FBXO41: variants seen among roughly 807,000 people sequenced by gnomAD.
The protein encoded by FBXO41 is F-box only protein 41.
A neutral mutation model predicts 81.6 loss-of-function variants in FBXO41; 33 were observed. The ratio of observed to expected loss-of-function variants is 0.40; its 90% CI spans 0.31 to 0.54. The LOEUF (loss-of-function observed/expected upper bound fraction) is 0.54. FBXO41 is among the 20% of genes least tolerant of loss of function. The pLI, the probability that FBXO41 is intolerant of heterozygous loss-of-function variation, is 0.39. For missense variants in FBXO41, 1,107 were observed against 1,236.0 expected (o/e 0.90, Z 1.56); for synonymous variants, 576 against 552.7 (o/e 1.04, Z -0.59).
chr2:73,267,805 A>G lies in FBXO41; in HGVS notation c.905+921T>C, dbSNP rs1275207273. 3.2e-4 allele frequency among the ~76,000 whole-genome samples: 48 copies of G among 152,236 alleles called. 1 individual carries two copies. Among genetic ancestry groups the G allele is most frequent in the Non-Finnish European group, 2.1e-4 (14 of 68,042 alleles). On this transcript the variant is annotated intron_variant, in intron 2 of 12. Coordinates refer to ENST00000520530, the MANE Select transcript of FBXO41 (RefSeq NM_001371389.2). ...GCCTACAGTTGGACAAAGTCACTCA[A>G]CACAAAGTCTATTTTATAAAAAAAA...
chr2:73,267,457 T>C (rs1688312221), intron 2 of FBXO41, among the ~76,000 whole-genome samples: 1 of 152,236 alleles, frequency 6.6e-6, no homozygotes, highest in Non-Finnish European at 1.5e-5. Flanking sequence ...TAGAATCACA[T>C]GCATACTTAC....
At position 73,268,967 on chromosome 2, in the gene FBXO41, G is replaced by A; in HGVS notation, c.664C>T (p.Leu222=). 6.5e-7 allele frequency: 1 copy of A among 1,538,050 alleles called. No individual in the cohort carries two copies. The highest frequency in any genetic ancestry group is 2.0e-5 in the Admixed American group (1 of 50,964). ...ATCTTCTGCTCCACCTCCTCGCTCA[G>A]CCGCTCCAGCCGCCGGTCCACCTCC... ...KLEVDRRLER[L]SEEVEQKIAG... is the part of the protein sequence containing the mutation. Residue 222 remains leucine (L), a synonymous_variant, in exon 2 of 13, where the codon CTG becomes TTG. Coordinates refer to ENST00000520530, the MANE Select transcript of FBXO41 (RefSeq NM_001371389.2).
At chr2:73,280,699 A>C (rs952311422) in intron 1 of FBXO41, among the ~76,000 whole-genome samples, 12 of 152,230 alleles carry the variant, frequency 7.9e-5, no homozygotes, top group Non-Finnish European at 1.6e-4. Context: ...CTCAAATCAC[A>C]TCACTGCATG....
intron 1 of FBXO41, among the ~76,000 whole-genome samples, chr2:73,270,640 C>T (rs1330761626): frequency 6.6e-6 from 1 of 152,062 alleles, no homozygotes; most frequent in Non-Finnish European, 1.5e-5. Flanking sequence ...GTGTCCCTGC[C>T]CTGCCTTTAC....
In FBXO41 at chr2:73,258,974, T is replaced by C. The variant is rs138268745; in HGVS notation, c.*8A>G. 2,104 of 1,568,266 alleles carry C rather than the reference T, an allele frequency of 1.3e-3. 17 individuals are homozygous for C. In the African/African-American group the frequency reaches 0.017, roughly 13 times the overall value. The stretch of plus-strand genomic sequence containing the variant: ...GGCTGGCAGGGGCCCTGCCGCCCCC[T>C]ACCCGGGTTAGCAGCCGCCTTCCAC... On this transcript the variant is annotated 3_prime_UTR_variant, in exon 13 of 13. Coordinates refer to ENST00000520530, the MANE Select transcript of FBXO41 (RefSeq NM_001371389.2).
At chr2:73,267,106 C>G (rs778980111) in intron 2 of FBXO41, among the ~76,000 whole-genome samples, 1 of 152,140 alleles carries the variant, frequency 6.6e-6, no homozygotes, top group Non-Finnish European at 1.5e-5. Context: ...GCATGTCCTT[C>G]GATACCCAGC....
At chr2:73,273,528 TCA>T (rs1688600849) in intron 1 of FBXO41, among the ~76,000 whole-genome samples, 1 of 152,156 alleles carries the variant, frequency 6.6e-6, no homozygotes, top group African/African-American at 2.4e-5. Flanking sequence ...ACACATGACC[TCA>T]GTCTGTTCCA....
At chr2:73,278,744 C>G (rs773105995) in intron 1 of FBXO41, among the ~76,000 whole-genome samples, 1 of 152,128 alleles carries the variant, frequency 6.6e-6, no homozygotes, top group Non-Finnish European at 1.5e-5. Flanking sequence ...TGAGGAAGAG[C>G]AATTATGAGG....
In FBXO41 at chr2:73,265,954, C is replaced by G; in HGVS notation, c.1144G>C (p.Val382Leu). The stretch of plus-strand genomic sequence containing the variant: ...TATGTGTTAGGCACGGCCGGGCCCA[C>G]GTGGTGTTCTCGCTGTGGGCCCCCA... Reference protein sequence around the residue: ...RGPGRMREHHVGPAVPNTYAV... With the variant: ...RGPGRMREHHLGPAVPNTYAV... Residue 382 changes from valine to leucine, a missense_variant, in exon 4 of 13, where the codon GTG becomes CTG. Coordinates refer to ENST00000520530, the MANE Select transcript of FBXO41 (RefSeq NM_001371389.2). 6.3e-6 allele frequency: 10 copies of G among 1,575,960 alleles called. No individual in the cohort carries two copies. The highest frequency in any genetic ancestry group is 8.6e-6 in the Non-Finnish European group (10 of 1,160,162).
intron 1 of FBXO41, among the ~76,000 whole-genome samples, chr2:73,281,467 ATTGGCCATGTGACTTGCT>A (rs1688845573): frequency 6.6e-6 from 1 of 152,120 alleles, no homozygotes; most frequent in South Asian, 2.1e-4. Flanking sequence ...TGACTCAGGG[ATTGGCCATGTGACTTGCT>A]TTGGCCAACT....
chr2:73,263,600 A>T (rs1688103431), intron 8 of FBXO41, 78 bp downstream of exon 8: 2 of 1,549,102 alleles, frequency 1.3e-6, no homozygotes, highest in African/African-American at 2.7e-5. Flanking sequence ...ACCCTGGGGG[A>T]GGCTATGCAG....
At chr2:73,273,461 C>T (rs1688598417) in intron 1 of FBXO41, among the ~76,000 whole-genome samples, 1 of 152,164 alleles carries the variant, frequency 6.6e-6, no homozygotes, top group African/African-American at 2.4e-5. Flanking sequence ...AGAACCATTG[C>T]CTGCACTTTG....
rs996729830 is a variant in FBXO41 at position 73,259,400 on chromosome 2, C to T, written c.2450-104G>A. 66 of 975,574 alleles carry T rather than the reference C, an allele frequency of 6.8e-5. No homozygotes were observed. The highest frequency in any genetic ancestry group is 6.4e-4 in the African/African-American group (40 of 62,676). The allele number at this position is 975,574 out of a possible 1,614,324, so 60.4% of individuals were successfully genotyped here. The stretch of plus-strand genomic sequence containing the variant: ...AATCAGACAATCAGGTGCCAGCTAC[C>T]GGGAACACGACAGAGGAGAGCAGAC... On this transcript the variant is annotated intron_variant, in intron 11 of 12. Transcript: ENST00000520530. The surrounding 1 kb of genome is among the most constrained non-coding windows in gnomAD (Gnocchi z 4.2).
At chr2:73,270,421 T>C (rs1688458043) in intron 1 of FBXO41, among the ~76,000 whole-genome samples, 1 of 152,150 alleles carries the variant, frequency 6.6e-6, no homozygotes, top group Non-Finnish European at 1.5e-5. Flanking sequence ...CATGCATGCT[T>C]ATTTTCATTT....
chr2:73,284,312 GCCTCCCTCTCGGGGCGGGGGCGGCCGAA>G lies in FBXO41; in HGVS notation c.-319_-292del. The G allele has an allele frequency of 6.6e-6, 1 of 151,888 alleles. No homozygotes were observed. The highest frequency in any genetic ancestry group is 2.1e-4 in the South Asian group (1 of 4,824). The allele number at this position is 151,888 out of a possible 1,614,324, so 9.4% of individuals were successfully genotyped here. A position where few individuals can be genotyped will look rare whatever the true frequency, so the allele number is the denominator to read the frequency against. On this transcript the variant is annotated 5_prime_UTR_variant, in exon 1 of 13. Transcript: ENST00000520530. This position sits in a 1 kb window ranked among gnomAD's most constrained non-coding sequence, Gnocchi z 7.4. The stretch of plus-strand genomic sequence containing the variant: ...GGTGGCCGCCGCGGCTAGCGCCCCC[GCCTCCCTCTCGGGGCGGGGGCGGCCGAA>G]CCTCCCAGCCAGTCGCAGCGGGAGG...
At chr2:73,267,723 A>G (rs1426695931) in intron 2 of FBXO41, among the ~76,000 whole-genome samples, 1 of 152,228 alleles carries the variant, frequency 6.6e-6, no homozygotes, top group Non-Finnish European at 1.5e-5. Context: ...CACTTAACCT[A>G]CTGAACATCA....
rs1412489647 is a variant in FBXO41 at position 73,255,731 on chromosome 2, G to C, written c.*3251C>G. The C allele has an allele frequency of 6.5e-6, 1 of 152,686 alleles. No individual in the cohort carries two copies. The highest frequency in any genetic ancestry group is 1.5e-5 in the Non-Finnish European group (1 of 68,074). 9.5% of individuals were successfully genotyped at this position (152,686 alleles called of 1,614,324 possible). Reference sequence around the variant, plus strand: ...GGTGGCCCCAAAGATAAGAGACCAGGAGTGGGGAAATAGGCAGGACCCAAA... The same window carrying C: ...GGTGGCCCCAAAGATAAGAGACCAGCAGTGGGGAAATAGGCAGGACCCAAA... On this transcript the variant is annotated 3_prime_UTR_variant, in exon 13 of 13. Transcript: ENST00000520530.
In FBXO41 at chr2:73,264,312, C is replaced by G; in HGVS notation, c.1772G>C (p.Arg591Thr). Reference sequence around the variant, plus strand: ...GACACGGGCATTCTCAAGCAGCACCCTTGTCCAGACTGCGGGGTGGCGGGC... The same window carrying G: ...GACACGGGCATTCTCAAGCAGCACCGTTGTCCAGACTGCGGGGTGGCGGGC... The part of the protein sequence containing the change: ...FVARHPAVWT[R>T]VLLENARVCS... The change falls in exon 6 of 13, where the codon AGG (arginine) becomes ACG (threonine). Residue 591 changes from arginine to threonine, a missense_variant. Transcript: ENST00000520530. 1.2e-6 allele frequency: 2 copies of G among 1,613,646 alleles called. No individual in the cohort carries two copies. Among genetic ancestry groups the G allele is most frequent in the Non-Finnish European group, 1.7e-6 (2 of 1,179,894 alleles).
intron 1 of FBXO41, among the ~76,000 whole-genome samples, chr2:73,280,914 A>C (rs1204306480): frequency 6.6e-6 from 1 of 152,254 alleles, no homozygotes; most frequent in Non-Finnish European, 1.5e-5. Flanking sequence ...GACTTCATGT[A>C]ACCAAAGCAA....
Sources: allele counts gnomAD v4.1 joint callset (sites outside exome capture counted in the v4.1 genomes callset), GRCh38; gene constraint gnomAD v4.1.1; non-coding constraint Gnocchi (gnomAD v3.1); transcripts MANE v1.5; gene names NCBI Gene and HGNC (gene_info 2026-07-23, HGNC 2026-07-21).